The following PPFIA2 variants were observed in gnomAD, a reference collection of about 807,000 sequenced individuals.
The protein encoded by PPFIA2 is liprin-alpha-2.
In PPFIA2, 46 loss-of-function variants were observed where a neutral mutation model predicts 175.5. That is an observed-to-expected ratio of 0.26 (90% confidence interval 0.21 to 0.34). The LOEUF (loss-of-function observed/expected upper bound fraction) is 0.34, where lower values mean the gene tolerates loss of function less well. Among genes scored for constraint, PPFIA2 ranks in the 10% least tolerant of loss-of-function variants. PPFIA2 has a pLI of 1.00. For synonymous variants in PPFIA2, 568 were observed against 511.4 expected, an observed-to-expected ratio of 1.11 and a Z score of -1.49; for missense variants, 1,179 against 1,506.1, an observed-to-expected ratio of 0.78 and a Z score of 3.60.
intron 3 of PPFIA2, among the ~76,000 whole-genome samples, chr12:81,724,354 T>C (rs1353821333): frequency 2.0e-5 from 3 of 150,834 alleles, no homozygotes; most frequent in Non-Finnish European, 4.5e-5. Flanking sequence ...ATTTAGGGGG[T>C]ACAAATGCAG....
intron 13 of PPFIA2, chr12:81,368,228 G>T: frequency 8.8e-7 from 1 of 1,132,898 alleles, no homozygotes. Flanking sequence ...CACTATTTCT[G>T]AAATAATGCA....
chr12:81,287,179 A>T (rs1162564742), intron 24 of PPFIA2, among the ~76,000 whole-genome samples: 1 of 151,944 alleles, frequency 6.6e-6, no homozygotes, highest in Admixed American at 6.6e-5. Context: ...AGCCAATCTT[A>T]AATGGCTTAA....
intron 21 of PPFIA2, among the ~76,000 whole-genome samples, chr12:81,335,956 T>C (rs554850179): frequency 6.6e-6 from 1 of 152,278 alleles, no homozygotes; most frequent in South Asian, 2.1e-4. Flanking sequence ...CAAATGGAAT[T>C]TGAATTCTTT....
At position 81,493,623 on chromosome 12, in the gene PPFIA2, T is replaced by C. The variant is rs372193558; in HGVS notation, c.304-35757A>G. Among the ~76,000 whole-genome samples, 6 of 151,018 alleles carry C rather than the reference T, an allele frequency of 4.0e-5. No homozygotes were observed. The East Asian group carries it at 5.9e-4, about 15-fold the overall frequency. On this transcript the variant is annotated intron_variant, in intron 4 of 32. Coordinates refer to ENST00000549396, the MANE Select transcript of PPFIA2 (RefSeq NM_003625.5). ...CCTGGGAAGATACAGAAGAGAAAAA[T>C]TGGAGATAATGGGCATTCAAAACTT...
intron 4 of PPFIA2, among the ~76,000 whole-genome samples, chr12:81,632,325 A>T (rs577557964): frequency 6.6e-6 from 1 of 152,128 alleles, no homozygotes; most frequent in Admixed American, 6.6e-5. Context: ...TTACTCCATC[A>T]GATGAAATTA....
At position 81,706,862 on chromosome 12, in the gene PPFIA2, C is replaced by T. The variant is rs555479206; in HGVS notation, c.250-30018G>A. 7.3e-3 allele frequency among the ~76,000 whole-genome samples: 1,113 copies of T among 152,250 alleles called. 7 individuals carry two copies. The highest frequency in any genetic ancestry group is 0.013 in the South Asian group (64 of 4,824). On this transcript the variant is annotated intron_variant, in intron 3 of 32. Coordinates refer to ENST00000549396, the MANE Select transcript of PPFIA2 (RefSeq NM_003625.5). ...AACAGAACAGAGCCCTCAGAAATAA[C>T]ACCGCATATCTACAACTATCTGATC...
chr12:81,598,137 A>G (rs1001168718), intron 4 of PPFIA2: 8 of 1,491,208 alleles, frequency 5.4e-6, no homozygotes, highest in African/African-American at 2.8e-5. Flanking sequence ...CTAGAGGGTA[A>G]AATGAAATCT....
chr12:81,753,509 A>G (rs1245512518), intron 3 of PPFIA2, among the ~76,000 whole-genome samples: 1 of 151,976 alleles, frequency 6.6e-6, no homozygotes, highest in Non-Finnish European at 1.5e-5. Flanking sequence ...AGAATTTTAA[A>G]GCAGATATTA....
chr12:81,325,552 G>C (rs1437259369), intron 22 of PPFIA2, among the ~76,000 whole-genome samples: 1 of 152,046 alleles, frequency 6.6e-6, no homozygotes, highest in Non-Finnish European at 1.5e-5. Context: ...TGGTTACGTT[G>C]AAGAAACTGC....
At chr12:81,333,798 T>TG (rs1566212967) in intron 21 of PPFIA2, among the ~76,000 whole-genome samples, 1 of 152,168 alleles carries the variant, frequency 6.6e-6, no homozygotes, top group Non-Finnish European at 1.5e-5. Flanking sequence ...ATCAGATACC[T>TG]GAGCTGTGGA....
chr12:81,451,169 A>G (rs2052496351), intron 5 of PPFIA2, among the ~76,000 whole-genome samples: 1 of 151,488 alleles, frequency 6.6e-6, no homozygotes, highest in African/African-American at 2.4e-5. Flanking sequence ...TTGTGTGTGA[A>G]TATATATATA....
intron 8 of PPFIA2, among the ~76,000 whole-genome samples, chr12:81,400,153 C>A (rs1436802282): frequency 6.6e-6 from 1 of 152,098 alleles, no homozygotes; most frequent in Admixed American, 6.6e-5. Context: ...AAACTTTTAA[C>A]TGGACAGCTG....
intron 7 of PPFIA2, among the ~76,000 whole-genome samples, chr12:81,424,414 T>G (rs933972833): frequency 2.6e-5 from 4 of 152,206 alleles, no homozygotes; most frequent in Non-Finnish European, 5.9e-5. Flanking sequence ...TTTATAGTTA[T>G]TTGAACGAAA....
chr12:81,626,619 G>T (rs1242289530), intron 4 of PPFIA2, among the ~76,000 whole-genome samples: 1 of 152,036 alleles, frequency 6.6e-6, no homozygotes, highest in African/African-American at 2.4e-5. Flanking sequence ...GGAATTGTGT[G>T]CTGCACATTA....
intron 3 of PPFIA2, among the ~76,000 whole-genome samples, chr12:81,752,813 T>C (rs1394911536): frequency 6.6e-6 from 1 of 152,220 alleles, no homozygotes; most frequent in East Asian, 1.9e-4. Context: ...TATACTGTCT[T>C]TTAAGGAGCG....
intron 6 of PPFIA2, 24 bp from the exon 7 acceptor site, chr12:81,440,070 G>A: frequency 3.3e-6 from 5 of 1,522,152 alleles, no homozygotes; most frequent in African/African-American, 1.4e-5. Context: ...CAAAATATGT[G>A]CAGTAATGTA....
intron 4 of PPFIA2, among the ~76,000 whole-genome samples, chr12:81,638,682 C>CTTTTTTTTTTT (rs869311003): frequency 5.5e-5 from 4 of 72,684 alleles, no homozygotes; most frequent in Non-Finnish European, 7.3e-5. Flanking sequence ...CATAAATTTT[C>CTTTTTTTTTTT]TTTTTTTTTT....
intron 3 of PPFIA2, among the ~76,000 whole-genome samples, chr12:81,745,564 A>T (rs2082931793): frequency 6.6e-6 from 1 of 152,088 alleles, no homozygotes; most frequent in African/African-American, 2.4e-5. Context: ...TCTTCTCTGG[A>T]ATCAATCCTC....
At chr12:81,460,327 C>T (rs1281302859) in intron 4 of PPFIA2, among the ~76,000 whole-genome samples, 1 of 152,068 alleles carries the variant, frequency 6.6e-6, no homozygotes, top group African/African-American at 2.4e-5. Flanking sequence ...TAAGAAGTGC[C>T]TTTTACCTTC....
Sources: gnomAD v4.1 joint callset for allele counts (sites outside exome capture counted in the v4.1 genomes callset) on GRCh38, gnomAD v4.1.1 for gene constraint, MANE v1.5 for transcripts, NCBI Gene and HGNC (gene_info 2026-07-23, HGNC 2026-07-21) for gene names.